GLDC: variants seen among roughly 807,000 people sequenced by gnomAD.
GLDC encodes the protein glycine decarboxylase.
GLDC carries 104 observed loss-of-function variants against 121.3 expected under a neutral mutation model. That is an observed-to-expected ratio of 0.86 (90% CI 0.73 to 1.01). The LOEUF is 1.01. GLDC is among the 50% of genes least tolerant of loss of function. GLDC has a pLI of 0.00. For missense variants in GLDC, 1,429 were observed against 1,306.6 expected (o/e 1.09, Z -1.44); for synonymous variants, 546 against 480.6 (o/e 1.14, Z -1.78).
chr9:6,554,709 G>A lies in GLDC; in HGVS notation c.2275C>T (p.Pro759Ser), dbSNP rs1817583802. 1 of 1,612,742 alleles carries A rather than the reference G, an allele frequency of 6.2e-7. No homozygotes were observed. The highest frequency in any genetic ancestry group is 8.5e-7 in the Non-Finnish European group (1 of 1,179,850). Residue 759 changes from proline (P) to serine (S), a missense_variant, in exon 19 of 25, where the codon CCC becomes TCC. Physicochemically the swap from Pro to Ser is moderately conservative, Grantham distance 74. Transcript: ENST00000321612. ...ATGCCAGGACCACCTCCTCCGTGGG[G>A]AATGCAGAAGGTCTTGTGAAGATTT... is the stretch of plus-strand genomic sequence containing the variant. ...HLNLHKTFCIPHGGGGPGMGP... is the reference protein window; with the variant it reads ...HLNLHKTFCISHGGGGPGMGP...
At chr9:6,536,455 C>A (rs1476671447) in intron 22 of GLDC, among the ~76,000 whole-genome samples, 1 of 152,124 alleles carries the variant, frequency 6.6e-6, no homozygotes, top group Non-Finnish European at 1.5e-5. Context: ...GCAAATTTTA[C>A]AGAGCACCTA....
intron 21 of GLDC, chr9:6,541,940 TTCAAAAACATTGAAA>T (rs1817273254): frequency 7.0e-6 from 1 of 142,508 alleles, no homozygotes; most frequent in Non-Finnish European, 1.5e-5. Context: ...AAAAAAAAAC[TTCAAAAACATTGAAA>T]TAGGGGCCAG....
At chr9:6,602,075 G>A in intron 8 of GLDC, 34 bp downstream of exon 8, 1 of 1,199,096 alleles carries the variant, frequency 8.3e-7, no homozygotes, top group Non-Finnish European at 1.2e-6. Context: ...TGTATCGTAA[G>A]GCATTCAGTA....
chr9:6,574,177 T>C (rs756770408), intron 15 of GLDC, among the ~76,000 whole-genome samples: 2 of 152,144 alleles, frequency 1.3e-5, no homozygotes, highest in Non-Finnish European at 2.9e-5. Flanking sequence ...TCCCAGACAA[T>C]AGAAAGCATC....
At chr9:6,554,891 C>T (rs1001872049) in intron 18 of GLDC, 110 bp from the exon 19 acceptor site, 1 of 779,546 alleles carries the variant, frequency 1.3e-6, no homozygotes, top group South Asian at 1.5e-5. Flanking sequence ...GAAAAGCAGG[C>T]AGAGCCACAT....
chr9:6,637,655 C>G (rs543355257), intron 2 of GLDC, among the ~76,000 whole-genome samples: 116 of 152,090 alleles, frequency 7.6e-4, no homozygotes, highest in Non-Finnish European at 1.3e-3. Context: ...TTAGTAGAGA[C>G]AGGGTTTTGC....
chr9:6,593,463 T>C (rs1445847708), intron 9 of GLDC, among the ~76,000 whole-genome samples: 1 of 151,638 alleles, frequency 6.6e-6, no homozygotes, highest in Non-Finnish European at 1.5e-5. Context: ...CACACCTGGC[T>C]AATAATTTTT....
intron 23 of GLDC, among the ~76,000 whole-genome samples, chr9:6,535,650 C>T (rs1269945619): frequency 6.6e-6 from 1 of 152,074 alleles, no homozygotes; most frequent in Non-Finnish European, 1.5e-5. Context: ...CCAACTTTTC[C>T]CCAACATGGG....
chr9:6,582,036 G>A (rs540584251), intron 15 of GLDC, among the ~76,000 whole-genome samples: 105 of 151,270 alleles, frequency 6.9e-4, no homozygotes, highest in African/African-American at 2.5e-3. Context: ...CCAACATAGT[G>A]AAACCCGATC....
intron 3 of GLDC, among the ~76,000 whole-genome samples, chr9:6,617,451 C>G (rs535533162): frequency 1.3e-5 from 2 of 152,182 alleles, no homozygotes; most frequent in East Asian, 3.9e-4. Flanking sequence ...GCAGCCCGTT[C>G]ATGTACTTTT....
intron 3 of GLDC, among the ~76,000 whole-genome samples, chr9:6,614,874 T>G (rs1339637119): frequency 4.6e-5 from 7 of 152,194 alleles, no homozygotes; most frequent in Non-Finnish European, 8.8e-5. Context: ...GCTACCAACA[T>G]GTAGAGCATG....
Position 6,554,783 on chromosome 9 carries a change from T to A in GLDC, c.2203-2A>T. 1 of 1,609,298 alleles carries A rather than the reference T, an allele frequency of 6.2e-7. No individual in the cohort carries two copies. On this transcript the variant is annotated splice_acceptor_variant, in intron 18 of 24. Transcript: ENST00000321612. LOFTEE classifies it high-confidence loss of function. ...GTCTCCAGGGCGACAGATTCCCACCTACCACAAAGGCAAGGGCCAAAAGCA... is the reference window on the plus strand; with the variant it reads ...GTCTCCAGGGCGACAGATTCCCACCAACCACAAAGGCAAGGGCCAAAAGCA...
chr9:6,611,646 T>C (rs1563860768), intron 3 of GLDC, among the ~76,000 whole-genome samples: 1 of 152,224 alleles, frequency 6.6e-6, no homozygotes, highest in Non-Finnish European at 1.5e-5. Context: ...CATAGTATTA[T>C]ATTCACACTG....
chr9:6,549,901 T>G (rs1160410941), intron 21 of GLDC, among the ~76,000 whole-genome samples: 1 of 152,156 alleles, frequency 6.6e-6, no homozygotes, highest in Non-Finnish European at 1.5e-5. Context: ...CAAAAACCTT[T>G]AATGGCTATT....
intron 16 of GLDC, among the ~76,000 whole-genome samples, chr9:6,563,148 A>C (rs1377129111): frequency 1.3e-5 from 2 of 152,156 alleles, no homozygotes; most frequent in Non-Finnish European, 2.9e-5. Flanking sequence ...AAGAATCCAC[A>C]AGTCACGGAA....
chr9:6,632,744 G>C (rs941888825), intron 2 of GLDC, among the ~76,000 whole-genome samples: 1 of 152,168 alleles, frequency 6.6e-6, no homozygotes, highest in Admixed American at 6.5e-5. Flanking sequence ...GGCAGAATGT[G>C]GGTGGGGCTG....
intron 15 of GLDC, among the ~76,000 whole-genome samples, chr9:6,584,795 C>T (rs531066918): frequency 1.3e-5 from 2 of 152,312 alleles, no homozygotes; most frequent in Admixed American, 6.5e-5. Flanking sequence ...GATGGTATAG[C>T]TGGGAATCTC....
chr9:6,540,204 CAAAT>C (rs1199059146), intron 21 of GLDC, 58 bp from the exon 22 acceptor site: 173 of 1,052,220 alleles, frequency 1.6e-4, no homozygotes, highest in Admixed American at 3.5e-4. Context: ...TTTACCCAAA[CAAAT>C]GAATAAGTAA....
chr9:6,629,017 G>T (rs939656214), intron 2 of GLDC, among the ~76,000 whole-genome samples: 2 of 151,768 alleles, frequency 1.3e-5, no homozygotes, highest in Admixed American at 1.3e-4. Context: ...GAATCTGCAG[G>T]TAAGAACTTG....
Sources: gnomAD v4.1 joint callset for allele counts (sites outside exome capture counted in the v4.1 genomes callset) on GRCh38, gnomAD v4.1.1 for gene constraint, MANE v1.5 for transcripts, NCBI Gene and HGNC (gene_info 2026-07-23, HGNC 2026-07-21) for gene names.